The following AGFG1 variants were observed in gnomAD, a reference collection of about 807,000 sequenced individuals.
AGFG1 encodes the protein ArfGAP with FG repeats 1.
A neutral mutation model predicts 60.6 loss-of-function variants in AGFG1; 10 were observed. The observed-to-expected ratio is 0.16, with a 90% CI of 0.10 to 0.28. The LOEUF is 0.28. AGFG1 is among the 10% of genes least tolerant of loss of function. The pLI, the probability that AGFG1 is intolerant of heterozygous loss-of-function variation, is 1.00. For synonymous variants in AGFG1, 247 were observed against 242.9 expected, an observed-to-expected ratio of 1.02 and a Z score of -0.16; for missense variants, 537 against 676.5, an observed-to-expected ratio of 0.79 and a Z score of 2.29.
At chr2:227,484,882 T>C (rs953468419) in intron 1 of AGFG1, among the ~76,000 whole-genome samples, 1 of 151,448 alleles carries the variant, frequency 6.6e-6, no homozygotes, top group African/African-American at 2.4e-5. Context: ...TTTTGTATTT[T>C]TGTTGTTAGT....
At chr2:227,489,783 AG>A (rs1174778109) in intron 1 of AGFG1, among the ~76,000 whole-genome samples, 1 of 152,008 alleles carries the variant, frequency 6.6e-6, no homozygotes, top group African/African-American at 2.4e-5. Context: ...CAGTGAATTG[AG>A]GAGCTTCTCC....
At chr2:227,514,336 T>G (rs937520618) in intron 2 of AGFG1, among the ~76,000 whole-genome samples, 1 of 152,168 alleles carries the variant, frequency 6.6e-6, no homozygotes, top group Non-Finnish European at 1.5e-5. Context: ...CTCAGCCTTC[T>G]GAGTAGCTGG....
At chr2:227,516,077 G>C (rs915011887) in intron 2 of AGFG1, among the ~76,000 whole-genome samples, 1 of 152,166 alleles carries the variant, frequency 6.6e-6, no homozygotes, top group Non-Finnish European at 1.5e-5. Context: ...CTCTCTCTCT[G>C]GTGTTCTGAT....
chr2:227,517,676 A>T (rs187507028), intron 2 of AGFG1, among the ~76,000 whole-genome samples: 1 of 152,212 alleles, frequency 6.6e-6, no homozygotes, highest in Admixed American at 6.5e-5. Flanking sequence ...TTCAGTGAGC[A>T]GGTAAGATTG....
In AGFG1 at chr2:227,491,543, T is replaced by G; in HGVS notation, c.168-4T>G. The G allele has an allele frequency of 1.3e-6, 2 of 1,523,996 alleles. No homozygotes were observed. The highest frequency in any genetic ancestry group is 2.7e-5 in the South Asian group (2 of 73,712). The allele number at this position is 1,523,996 out of a possible 1,614,324, so 94.4% of individuals were successfully genotyped here. A position where few individuals can be genotyped will look rare whatever the true frequency, so the allele number is the denominator to read the frequency against. Reference sequence around the variant, plus strand: ...TAAATTTTGTAAAATATTTTATCTTTTAGGCGAGGATTAAATCCACCACAC... The same window carrying G: ...TAAATTTTGTAAAATATTTTATCTTGTAGGCGAGGATTAAATCCACCACAC... On this transcript the variant is annotated splice_region_variant and splice_polypyrimidine_tract_variant and intron_variant, in intron 1 of 12. Coordinates refer to ENST00000310078, the MANE Select transcript of AGFG1 (RefSeq NM_004504.5).
At chr2:227,546,684 T>G (rs933623060) in intron 10 of AGFG1, among the ~76,000 whole-genome samples, 5 of 152,234 alleles carry the variant, frequency 3.3e-5, no homozygotes, top group African/African-American at 1.2e-4. Flanking sequence ...ATTAGGAGAT[T>G]AGCCTATTGT....
At chr2:227,551,929 T>G in intron 10 of AGFG1, 30 bp from the exon 11 acceptor site, 1 of 1,610,968 alleles carries the variant, frequency 6.2e-7, no homozygotes, top group Non-Finnish European at 8.5e-7. Flanking sequence ...TCCTGTTGTA[T>G]GTAACTGATC....
chr2:227,477,516 C>T (rs762328418), intron 1 of AGFG1, among the ~76,000 whole-genome samples: 5 of 152,012 alleles, frequency 3.3e-5, no homozygotes, highest in African/African-American at 4.8e-5. Context: ...CCATGGTTAC[C>T]GTAAATTGTT....
At chr2:227,514,904 C>T (rs947832337) in intron 2 of AGFG1, among the ~76,000 whole-genome samples, 16 of 152,084 alleles carry the variant, frequency 1.1e-4, no homozygotes, top group Admixed American at 2.0e-4. Flanking sequence ...TCATACCAGT[C>T]GGTCTCCCTC....
intron 1 of AGFG1, among the ~76,000 whole-genome samples, chr2:227,482,499 T>C (rs1213984724): frequency 1.3e-5 from 2 of 152,220 alleles, no homozygotes; most frequent in African/African-American, 4.8e-5. Flanking sequence ...TATAATTTTA[T>C]GCTATGAAAC....
intron 2 of AGFG1, among the ~76,000 whole-genome samples, chr2:227,506,466 C>T (rs79679490): frequency 2.9e-3 from 432 of 150,368 alleles, no homozygotes; most frequent in Non-Finnish European, 4.7e-3. Flanking sequence ...CTGTGGTGAA[C>T]CTCTTGTCTT....
At chr2:227,488,836 G>A (rs898499399) in intron 1 of AGFG1, among the ~76,000 whole-genome samples, 1 of 151,892 alleles carries the variant, frequency 6.6e-6, no homozygotes, top group African/African-American at 2.4e-5. Context: ...TTATTTATTT[G>A]AGAGTCTAGC....
intron 5 of AGFG1, among the ~76,000 whole-genome samples, chr2:227,526,578 C>A (rs1692002023): frequency 7.1e-6 from 1 of 141,214 alleles, no homozygotes; most frequent in South Asian, 2.3e-4. Context: ...AGTCTCACTC[C>A]CTTGTTCACA....
chr2:227,544,032 A>G (rs977928862), intron 10 of AGFG1, among the ~76,000 whole-genome samples: 1 of 150,280 alleles, frequency 6.7e-6, no homozygotes, highest in African/African-American at 2.5e-5. Context: ...TGCTTGGTAG[A>G]TCTTCCTCCA....
At chr2:227,531,269 T>G in intron 6 of AGFG1, 59 bp downstream of exon 6, 1 of 1,562,764 alleles carries the variant, frequency 6.4e-7, no homozygotes, top group Non-Finnish European at 8.6e-7. Flanking sequence ...ACTCTCTAAA[T>G]GTAGTTTTGA....
At chr2:227,493,161 T>C (rs928933505) in intron 2 of AGFG1, among the ~76,000 whole-genome samples, 15 of 152,168 alleles carry the variant, frequency 9.9e-5, no homozygotes, top group Non-Finnish European at 2.2e-4. Context: ...GTATATATTT[T>C]TTTAATTGTG....
chr2:227,500,950 G>A (rs13432474), intron 2 of AGFG1, among the ~76,000 whole-genome samples: 90,172 of 151,754 alleles, frequency 0.59, 26,904 homozygotes, highest in South Asian at 0.7. Flanking sequence ...TCGCCACCAC[G>A]CCCAGCTAAT....
Position 227,554,623 on chromosome 2 carries a change from T to C in AGFG1, c.*128T>C. On this transcript the variant is annotated 3_prime_UTR_variant, in exon 13 of 13. Coordinates refer to ENST00000310078, the MANE Select transcript of AGFG1 (RefSeq NM_004504.5). Reference sequence around the variant, plus strand: ...AAGAGAAGTCTTTAAAAAGCCTGCATTGTGTATTAAACACCAGGTAATATG... The same window carrying C: ...AAGAGAAGTCTTTAAAAAGCCTGCACTGTGTATTAAACACCAGGTAATATG... 1 of 770,156 alleles carries C rather than the reference T, an allele frequency of 1.3e-6. No individual in the cohort carries two copies. Among genetic ancestry groups the C allele is most frequent in the Non-Finnish European group, 2.0e-6 (1 of 491,500 alleles). 47.7% of individuals were successfully genotyped at this position (770,156 alleles called of 1,614,324 possible).
chr2:227,510,670 A>G (rs1467334787), intron 2 of AGFG1: 3 of 152,122 alleles, frequency 2.0e-5, no homozygotes, highest in Non-Finnish European at 2.9e-5. Context: ...GCTGTCTGCA[A>G]ATCTGTTTTT....
Sources: allele counts gnomAD v4.1 joint callset (sites outside exome capture counted in the v4.1 genomes callset), GRCh38; gene constraint gnomAD v4.1.1; transcripts MANE v1.5; gene names NCBI Gene and HGNC (gene_info 2026-07-23, HGNC 2026-07-21).